Variants in FIRRM observed in about 807,000 individuals in gnomAD.
FIRRM encodes FIGNL1 interacting regulator of recombination and mitosis.
the FIRRM span, among the ~76,000 whole-genome samples, chr1:169,797,023 T>C: frequency 6.6e-6 from 1 of 152,194 alleles, no homozygotes; most frequent in Non-Finnish European, 1.5e-5. Context: ...AAAGAAATGC[T>C]CTTGTTTGCT....
the FIRRM span, among the ~76,000 whole-genome samples, chr1:169,822,080 G>C: frequency 6.6e-6 from 1 of 152,104 alleles, no homozygotes; most frequent in East Asian, 1.9e-4. Context: ...AGCATAGTTA[G>C]AGAAAACTTT....
the FIRRM span, chr1:169,843,627 C>A: frequency 2.2e-5 from 19 of 878,854 alleles, no homozygotes; most frequent in East Asian, 3.4e-5. Flanking sequence ...TATTATTATT[C>A]TTATGTGATT....
At chr1:169,842,464 A>G in the FIRRM span, 1 of 1,614,004 alleles carries the variant, frequency 6.2e-7, no homozygotes, top group Non-Finnish European at 8.5e-7. Flanking sequence ...CTGCTGGTGA[A>G]GCTTTGGATA....
At chr1:169,794,284 T>C in the FIRRM span, among the ~76,000 whole-genome samples, 1 of 152,302 alleles carries the variant, frequency 6.6e-6, no homozygotes, top group Admixed American at 6.5e-5. Flanking sequence ...TTCTGTCTTT[T>C]ACAGAAGAGG....
chr1:169,837,095 G>A, the FIRRM span: 2 of 1,585,844 alleles, frequency 1.3e-6, no homozygotes, highest in Non-Finnish European at 1.7e-6. Context: ...TCGTACTTTG[G>A]GAGAACTAGA....
At chr1:169,808,300 C>T in the FIRRM span, among the ~76,000 whole-genome samples, 4 of 152,096 alleles carry the variant, frequency 2.6e-5, no homozygotes, top group African/African-American at 7.2e-5. Context: ...TCTTCACCAA[C>T]GCATTGCGAC....
At chr1:169,847,729 C>G in the FIRRM span, 199 of 1,613,474 alleles carry the variant, frequency 1.2e-4, no homozygotes, top group Non-Finnish European at 1.6e-4. Context: ...ATTAGAGCTT[C>G]CTGACTATGT....
the FIRRM span, chr1:169,853,977 AC>A: frequency 1.6e-6 from 1 of 635,788 alleles, no homozygotes; most frequent in Non-Finnish European, 2.7e-6. Context: ...CTTTTCAAAA[AC>A]CATAAAATCC....
chr1:169,802,672 G>A, the FIRRM span: 4 of 1,613,290 alleles, frequency 2.5e-6, no homozygotes, highest in African/African-American at 2.7e-5. Context: ...TCAAGCCAGA[G>A]GACTGTCAAG....
chr1:169,850,358 C>T, the FIRRM span: 5 of 1,545,200 alleles, frequency 3.2e-6, no homozygotes, highest in Non-Finnish European at 4.5e-6. Flanking sequence ...ACTTTCTTTA[C>T]ATGGCTCATG....
the FIRRM span, chr1:169,793,619 G>A: frequency 3.1e-6 from 5 of 1,614,160 alleles, no homozygotes; most frequent in Non-Finnish European, 4.2e-6. Flanking sequence ...GGAATCCAGG[G>A]TCAAAGCTCC....
At chr1:169,798,805 A>G in the FIRRM span, 1 of 523,296 alleles carries the variant, frequency 1.9e-6, no homozygotes, top group Non-Finnish European at 2.9e-6. Flanking sequence ...TCCAATTCCA[A>G]TCTCTTATGA....
chr1:169,792,769 G>C, the FIRRM span: 574 of 1,613,250 alleles, frequency 3.6e-4, 3 homozygotes, highest in Middle Eastern at 1.6e-4. Flanking sequence ...ACAGTCTAAG[G>C]AAAGTCTGGT....
the FIRRM span, among the ~76,000 whole-genome samples, chr1:169,807,147 G>T: frequency 6.6e-6 from 1 of 152,146 alleles, no homozygotes; most frequent in African/African-American, 2.4e-5. Flanking sequence ...GTCTCATGCT[G>T]CTCTCCCTAC....
chr1:169,829,236 G>T, the FIRRM span: 2 of 1,486,924 alleles, frequency 1.3e-6, no homozygotes, highest in South Asian at 1.4e-5. Context: ...ATTAATGTTG[G>T]GTTCAATGTT....
the FIRRM span, among the ~76,000 whole-genome samples, chr1:169,786,286 T>G: frequency 1.3e-5 from 2 of 152,192 alleles, no homozygotes; most frequent in Non-Finnish European, 2.9e-5. Flanking sequence ...AAAATGCATC[T>G]CTGAGGTATT....
chr1:169,847,339 AAGC>A, the FIRRM span, among the ~76,000 whole-genome samples: 2 of 131,050 alleles, frequency 1.5e-5, no homozygotes, highest in Non-Finnish European at 3.3e-5. Context: ...AAAAAAAAAA[AAGC>A]AGTATCTTCA....
the FIRRM span, among the ~76,000 whole-genome samples, chr1:169,824,742 G>A: frequency 6.6e-6 from 1 of 152,112 alleles, no homozygotes; most frequent in South Asian, 2.1e-4. Context: ...CTCACTCTTG[G>A]TTCTCTTCTA....
At chr1:169,829,485 C>T in the FIRRM span, 1 of 1,533,112 alleles carries the variant, frequency 6.5e-7, no homozygotes, top group South Asian at 1.3e-5. Flanking sequence ...GCTAAGGTTA[C>T]ACTTTTGCTT....
Sources: allele counts gnomAD v4.1 joint callset (sites outside exome capture counted in the v4.1 genomes callset), GRCh38; gene constraint gnomAD v4.1.1; transcripts MANE v1.5; gene names NCBI Gene and HGNC (gene_info 2026-07-23, HGNC 2026-07-21).